TMEM131: variants seen among roughly 807,000 people sequenced by gnomAD.
The protein encoded by TMEM131 is 2610524E03Rik.
In TMEM131, 66 loss-of-function variants were observed where a neutral mutation model predicts 211.6. The observed-to-expected ratio is 0.31, with a 90% CI of 0.26 to 0.38. The LOEUF (loss-of-function observed/expected upper bound fraction) is 0.38. Ranked by LOEUF, TMEM131 falls within the 10% of genes least tolerant of loss-of-function variation. TMEM131 has a pLI of 1.00. For missense variants in TMEM131, 2,036 were observed against 2,299.3 expected (o/e 0.89, Z 2.34); for synonymous variants, 844 against 841.3 (o/e 1.00, Z -0.06).
At chr2:97,894,472 A>T (rs541049895) in intron 3 of TMEM131, among the ~76,000 whole-genome samples, 1 of 152,348 alleles carries the variant, frequency 6.6e-6, no homozygotes, top group South Asian at 2.1e-4. Context: ...TACTTTGGGC[A>T]GTATGGCCAT....
chr2:97,825,058 C>T (rs1212085139), intron 11 of TMEM131, among the ~76,000 whole-genome samples: 1 of 152,168 alleles, frequency 6.6e-6, no homozygotes, highest in African/African-American at 2.4e-5. Context: ...TGCACTCTGA[C>T]TCCCAGTTTC....
intron 3 of TMEM131, among the ~76,000 whole-genome samples, chr2:97,895,433 A>C (rs556532322): frequency 1.3e-5 from 2 of 152,324 alleles, no homozygotes; most frequent in Admixed American, 1.3e-4. Context: ...GAATAGTTTC[A>C]GAAGGAATGG....
chr2:97,827,704 G>A (rs1385096759), intron 11 of TMEM131, among the ~76,000 whole-genome samples: 2 of 151,918 alleles, frequency 1.3e-5, no homozygotes, highest in African/African-American at 2.4e-5. Flanking sequence ...CATTTTTTAA[G>A]TGTAAATGCT....
chr2:97,770,532 T>C (rs1679419105), intron 33 of TMEM131, among the ~76,000 whole-genome samples: 1 of 152,228 alleles, frequency 6.6e-6, no homozygotes, highest in Admixed American at 6.5e-5. Context: ...TCTAAGCTTT[T>C]TGGTTTACAA....
intron 1 of TMEM131, among the ~76,000 whole-genome samples, chr2:97,948,807 G>A (rs1168923170): frequency 3.9e-5 from 6 of 151,970 alleles, no homozygotes; most frequent in South Asian, 4.2e-4. Flanking sequence ...ACAGGCACCC[G>A]CCACCACGCC....
At chr2:97,782,465 C>T (rs1222213428) in intron 31 of TMEM131, among the ~76,000 whole-genome samples, 2 of 152,214 alleles carry the variant, frequency 1.3e-5, no homozygotes, top group Non-Finnish European at 2.9e-5. Flanking sequence ...CTCTTCATAC[C>T]AAGAATCAGA....
chr2:97,812,649 TTGC>T lies in TMEM131; in HGVS notation c.1715_1717del (p.Ser572del). On this transcript the variant is annotated inframe_deletion, in exon 16 of 41. Coordinates refer to ENST00000186436, the MANE Select transcript of TMEM131 (RefSeq NM_015348.2). ...AAAACAGGTTTTTACCTCAATTGGA[TTGC>T]TGTTTATAATTGCAAATAAAATATT... The T allele has an allele frequency of 6.3e-7, 1 of 1,592,220 alleles. No homozygotes were observed. Among genetic ancestry groups the T allele is most frequent in the Non-Finnish European group, 8.5e-7 (1 of 1,172,000 alleles).
chr2:97,852,701 T>C (rs1673678184), intron 5 of TMEM131, among the ~76,000 whole-genome samples: 1 of 152,258 alleles, frequency 6.6e-6, no homozygotes. Flanking sequence ...TTGATGAACG[T>C]GGCCACACTA....
chr2:97,877,589 C>T (rs1674751117), intron 4 of TMEM131, among the ~76,000 whole-genome samples: 1 of 152,044 alleles, frequency 6.6e-6, no homozygotes, highest in South Asian at 2.1e-4. Flanking sequence ...AAACCTGACA[C>T]AAACAAGCAA....
chr2:97,866,134 G>A (rs185012009), intron 4 of TMEM131, among the ~76,000 whole-genome samples: 2 of 152,236 alleles, frequency 1.3e-5, no homozygotes, highest in African/African-American at 2.4e-5. Context: ...CGCCTGCCTC[G>A]CCTCCCAAAG....
chr2:97,925,313 A>G (rs945633397), intron 2 of TMEM131, among the ~76,000 whole-genome samples: 1 of 152,170 alleles, frequency 6.6e-6, no homozygotes, highest in East Asian at 1.9e-4. Context: ...AACCATTCTG[A>G]TCAGTTAGGA....
intron 1 of TMEM131, among the ~76,000 whole-genome samples, chr2:97,980,253 G>A (rs1037625041): frequency 1.3e-5 from 2 of 152,224 alleles, no homozygotes; most frequent in African/African-American, 2.4e-5. Context: ...ATAGAAGTGA[G>A]CATATGCTAT....
Position 97,814,033 on chromosome 2 carries a change from A to T in TMEM131, c.1555T>A (p.Leu519Ile). 6.2e-7 allele frequency: 1 copy of T among 1,601,364 alleles called. No homozygotes were observed. The highest frequency in any genetic ancestry group is 1.1e-5 in the South Asian group (1 of 89,228). ...AATTTAGAAGCATTGGTAATAAGTA[A>T]AATGTTGTTATCAATGTGCATGGAT... is the stretch of plus-strand genomic sequence containing the variant. ...TSSMHIDNNI[L>I]LITNASKFHL... The change falls in exon 15 of 41, where the codon TTA becomes ATA. Residue 519 changes from leucine to isoleucine, a missense_variant. Physicochemically the swap from Leu to Ile is conservative, Grantham distance 5. This residue lies in a region of TMEM131 where 1,623 missense variants were observed against 1,805.9 expected (regional missense o/e 0.90). Transcript: ENST00000186436.
chr2:97,887,269 G>C (rs1675200381), intron 4 of TMEM131, among the ~76,000 whole-genome samples: 1 of 152,218 alleles, frequency 6.6e-6, no homozygotes, highest in Admixed American at 6.5e-5. Flanking sequence ...GGCTAGCCTG[G>C]GGACATGTTT....
At chr2:97,910,957 G>A (rs1676267593) in intron 2 of TMEM131, among the ~76,000 whole-genome samples, 1 of 152,072 alleles carries the variant, frequency 6.6e-6, no homozygotes. Flanking sequence ...GCATTTGTCC[G>A]TACAATGAAT....
At chr2:97,781,334 T>C (rs1215914356) in intron 31 of TMEM131, among the ~76,000 whole-genome samples, 5 of 152,210 alleles carry the variant, frequency 3.3e-5, no homozygotes, top group African/African-American at 9.6e-5. Flanking sequence ...TGACCTGCTC[T>C]GAGACTCACT....
Position 97,921,956 on chromosome 2 carries a change from C to G in TMEM131, c.249+5470G>C, listed in dbSNP as rs187796939. 2.0e-5 allele frequency among the ~76,000 whole-genome samples: 3 copies of G among 152,308 alleles called. No individual in the cohort carries two copies. The East Asian group carries it at 5.8e-4, about 29-fold the overall frequency. On this transcript the variant is annotated intron_variant, in intron 2 of 40. Transcript: ENST00000186436. Reference sequence around the variant, plus strand: ...TGACAGGTTTGCAAACTAAAACAACCACTTTGGAAAACTATATGCATTATC... The same window carrying G: ...TGACAGGTTTGCAAACTAAAACAACGACTTTGGAAAACTATATGCATTATC...
chr2:97,995,404 GC>G, intron 1 of TMEM131, 71 bp downstream of exon 1: 1 of 1,274,908 alleles, frequency 7.8e-7, no homozygotes. Flanking sequence ...CTTCCTCCCG[GC>G]CCAGCCCTCC....
chr2:97,811,303 G>A (rs1159264331), intron 17 of TMEM131, 71 bp from the exon 18 acceptor site: 1 of 1,125,874 alleles, frequency 8.9e-7, no homozygotes, highest in Non-Finnish European at 1.3e-6. Flanking sequence ...TGGACATGAA[G>A]GGTGTAGCGA....
Sources: gnomAD v4.1 joint callset for allele counts (sites outside exome capture counted in the v4.1 genomes callset) on GRCh38, gnomAD v4.1.1 for gene constraint, gnomAD v4.1.1 regional missense constraint, MANE v1.5 for transcripts, NCBI Gene and HGNC (gene_info 2026-07-23, HGNC 2026-07-21) for gene names.